TIAM1: variants seen among roughly 807,000 people sequenced by gnomAD.
TIAM1 encodes the protein rho guanine nucleotide exchange factor TIAM1.
A neutral mutation model predicts 163.5 loss-of-function variants in TIAM1; 65 were observed. The ratio of observed to expected loss-of-function variants is 0.40; its 90% confidence interval spans 0.33 to 0.49. The LOEUF (loss-of-function observed/expected upper bound fraction) is 0.49. Ranked by LOEUF, TIAM1 falls within the 20% of genes least tolerant of loss-of-function variation. The pLI is 0.77. For missense variants in TIAM1, 1,789 were observed against 2,044.7 expected, an observed-to-expected ratio of 0.87 and a Z score of 2.41; for synonymous variants, 833 against 810.1, an observed-to-expected ratio of 1.03 and a Z score of -0.48.
In TIAM1 at chr21:31,130,314, A is replaced by G. The variant is rs1384591817; in HGVS notation, c.3944T>C (p.Val1315Ala). 1.9e-6 allele frequency: 3 copies of G among 1,613,230 alleles called. No homozygotes were observed. The African/African-American group carries it at 4.0e-5, about 22-fold the overall frequency. ...ATAAATGGAAAGCCTGTGAGATCCT[A>G]CCTGCAGAGGAGAAGGAACCAGCTG... is the stretch of plus-strand genomic sequence containing the variant. ...KDGSKQKKKL[V>A]GSHRLSIYED... The change falls in exon 25 of 28, where the codon GTA becomes GCA. Residue 1315 changes from valine (V) to alanine (A), a missense_variant and splice_region_variant. By Grantham distance (64) the Val-to-Ala change is moderately conservative. Coordinates refer to ENST00000541036, the MANE Select transcript of TIAM1 (RefSeq NM_001353694.2).
At chr21:31,455,784 A>C (rs1389173103) in intron 2 of TIAM1, among the ~76,000 whole-genome samples, 1 of 152,228 alleles carries the variant, frequency 6.6e-6, no homozygotes, top group African/African-American at 2.4e-5. Flanking sequence ...AAAATTGAGG[A>C]ATCTTCTAGA....
intron 2 of TIAM1, among the ~76,000 whole-genome samples, chr21:31,457,032 A>G (rs1035019523): frequency 2.0e-5 from 3 of 152,066 alleles, no homozygotes; most frequent in Admixed American, 1.3e-4. Context: ...TTCCTTTTCC[A>G]GTTCAACATC....
At position 31,543,111 on chromosome 21, in the gene TIAM1, C is replaced by G. The variant is rs147001285; in HGVS notation, c.-422+15816G>C. 1.8e-3 allele frequency among the ~76,000 whole-genome samples: 267 copies of G among 152,276 alleles called. 1 individual carries two copies. The highest frequency in any genetic ancestry group is 6.1e-3 in the African/African-American group (255 of 41,550). On this transcript the variant is annotated intron_variant, in intron 1 of 28. Transcript: ENST00000286827. ...CAAACTGCTTGCCTACCCTGCTTCCCCCTCAGAGTACATGCTGCCTCATGT... is the reference window on the plus strand; with the variant it reads ...CAAACTGCTTGCCTACCCTGCTTCCGCCTCAGAGTACATGCTGCCTCATGT...
At chr21:31,213,570 C>T in intron 9 of TIAM1, 98 bp from the exon 10 acceptor site, 2 of 970,520 alleles carry the variant, frequency 2.1e-6, no homozygotes, top group Non-Finnish European at 3.3e-6. Context: ...ATGACAAAAC[C>T]TTACACACGT....
chr21:31,152,572 A>C (rs1234536358), intron 19 of TIAM1, 64 bp downstream of exon 19: 12 of 1,597,504 alleles, frequency 7.5e-6, no homozygotes, highest in Non-Finnish European at 9.4e-6. Context: ...CATCAACACG[A>C]TCAGGGGATT....
chr21:31,405,793 A>G (rs545742645), intron 2 of TIAM1, among the ~76,000 whole-genome samples: 54 of 152,320 alleles, frequency 3.5e-4, no homozygotes, highest in Non-Finnish European at 4.9e-4. Context: ...TATGGGAGCC[A>G]TAAGATGAGA....
chr21:31,250,576 G>T (rs1030496613), intron 5 of TIAM1, among the ~76,000 whole-genome samples: 1 of 152,212 alleles, frequency 6.6e-6, no homozygotes, highest in African/African-American at 2.4e-5. Flanking sequence ...ACCAACCACA[G>T]TCTGTGAAAT....
intron 1 of TIAM1, among the ~76,000 whole-genome samples, chr21:31,496,423 T>C (rs1214494909): frequency 4.3e-5 from 5 of 115,204 alleles, no homozygotes; most frequent in African/African-American, 1.1e-4. Flanking sequence ...TGAGCCAAGA[T>C]TGCATCACTG....
intron 26 of TIAM1, among the ~76,000 whole-genome samples, chr21:31,126,615 C>T (rs111905480): frequency 3.3e-5 from 5 of 151,720 alleles, no homozygotes; most frequent in Non-Finnish European, 5.9e-5. Context: ...TGATTCAATA[C>T]GGGCACATTT....
chr21:31,197,539 C>CTTTTTTTTTTTTTTTTTTTTTTTT (rs58141765), intron 12 of TIAM1, among the ~76,000 whole-genome samples: 8 of 123,254 alleles, frequency 6.5e-5, no homozygotes, highest in East Asian at 2.7e-4. Flanking sequence ...CCGCGCCCGG[C>CTTTTTTTTTTTTTTTTTTTTTTTT]TTTTTTTTTT....
chr21:31,479,802 C>G (rs570114617), intron 1 of TIAM1, among the ~76,000 whole-genome samples: 1 of 152,066 alleles, frequency 6.6e-6, no homozygotes, highest in African/African-American at 2.4e-5. Context: ...CACATTGATA[C>G]ACTTCATATT....
chr21:31,265,962 A>C (rs754031857), intron 4 of TIAM1, 48 bp downstream of exon 4: 2 of 1,582,520 alleles, frequency 1.3e-6, no homozygotes. Flanking sequence ...GCACTTAAAG[A>C]GTCATGCACC....
intron 1 of TIAM1, among the ~76,000 whole-genome samples, chr21:31,554,232 C>T (rs1569430460): frequency 6.6e-6 from 1 of 152,174 alleles, no homozygotes; most frequent in Non-Finnish European, 1.5e-5. Context: ...TTTCTCCACC[C>T]ATTCCAAGCT....
At chr21:31,273,227 C>A (rs1243043844) in intron 3 of TIAM1, among the ~76,000 whole-genome samples, 1 of 152,130 alleles carries the variant, frequency 6.6e-6, no homozygotes, top group Non-Finnish European at 1.5e-5. Flanking sequence ...GCACAGGCAA[C>A]AAAAACTCTG....
At chr21:31,509,457 C>T (rs1039379922) in intron 1 of TIAM1, among the ~76,000 whole-genome samples, 4 of 152,232 alleles carry the variant, frequency 2.6e-5, no homozygotes, top group African/African-American at 7.2e-5. Context: ...ACTTCCCACC[C>T]GCTCCTCGGG....
intron 4 of TIAM1, among the ~76,000 whole-genome samples, chr21:31,262,459 T>A (rs1205546545): frequency 6.6e-6 from 1 of 152,238 alleles, no homozygotes; most frequent in Non-Finnish European, 1.5e-5. Context: ...CTGCTTCAAA[T>A]AGCATGAGGC....
chr21:31,408,651 G>A (rs1023974105), intron 2 of TIAM1, among the ~76,000 whole-genome samples: 7 of 152,134 alleles, frequency 4.6e-5, no homozygotes, highest in South Asian at 4.1e-4. Context: ...TCTCATCAAC[G>A]TGAATGGGGA....
chr21:31,505,487 AAC>A (rs1248908609), intron 1 of TIAM1, among the ~76,000 whole-genome samples: 9 of 152,228 alleles, frequency 5.9e-5, no homozygotes, highest in Admixed American at 4.6e-4. Flanking sequence ...GTCATTCACA[AAC>A]ACAGGGAATT....
At chr21:31,442,792 A>G (rs2044483975) in intron 2 of TIAM1, among the ~76,000 whole-genome samples, 1 of 152,122 alleles carries the variant, frequency 6.6e-6, no homozygotes, top group Non-Finnish European at 1.5e-5. Context: ...TCAAGGAGGG[A>G]ATTATTGTCA....
Sources: gnomAD v4.1 joint callset for allele counts (sites outside exome capture counted in the v4.1 genomes callset) on GRCh38, gnomAD v4.1.1 for gene constraint, MANE v1.5 for transcripts, NCBI Gene and HGNC (gene_info 2026-07-23, HGNC 2026-07-21) for gene names.